MAP3K5: variants seen among roughly 807,000 people sequenced by gnomAD.
MAP3K5 encodes the protein ASK-1.
In MAP3K5, 56 loss-of-function variants were observed where a neutral mutation model predicts 158.7. The ratio of observed to expected loss-of-function variants is 0.35; its 90% CI spans 0.28 to 0.44. MAP3K5 has a LOEUF of 0.44. MAP3K5 is among the 20% of genes least tolerant of loss of function. The probability of loss-of-function intolerance (pLI) is 1.00; values close to 1 mark genes in which losing one functional copy is unlikely to be tolerated. For missense variants in MAP3K5, 1,294 were observed against 1,674.8 expected (o/e 0.77, Z 3.97); for synonymous variants, 579 against 601.7 (o/e 0.96, Z 0.55).
At chr6:136,737,037 G>GTGTGTGTGTATATATATA (rs759947051) in intron 1 of MAP3K5, among the ~76,000 whole-genome samples, 1 of 127,002 alleles carries the variant, frequency 7.9e-6, no homozygotes, top group African/African-American at 3.8e-5. Flanking sequence ...ATATGTGTGT[G>GTGTGTGTGTATATATATA]TATATATATA....
chr6:136,757,588 T>TA lies in MAP3K5; in HGVS notation c.448+34121_448+34122insT, dbSNP rs1314746106. On this transcript the variant is annotated intron_variant, in intron 1 of 29. Coordinates refer to ENST00000359015, the MANE Select transcript of MAP3K5 (RefSeq NM_005923.4). ...ATAGATTTATTTATTTATTTTTTAT[T>TA]TTTTTTTTTTTTTTTTGAGACGGAG... 2.8e-4 allele frequency among the ~76,000 whole-genome samples: 39 copies of TA among 137,820 alleles called. No individual in the cohort carries two copies. The East Asian group carries it at 7.4e-3, about 26-fold the overall frequency. The allele number at this position is 137,820 out of a possible 152,430, so 90.4% of individuals were successfully genotyped here.
chr6:136,647,333 G>A (rs1778307719), intron 11 of MAP3K5, among the ~76,000 whole-genome samples: 1 of 152,098 alleles, frequency 6.6e-6, no homozygotes, highest in African/African-American at 2.4e-5. Flanking sequence ...ATTCTATGAG[G>A]TACTGTTATT....
At chr6:136,715,462 G>A (rs1228200522) in intron 2 of MAP3K5, among the ~76,000 whole-genome samples, 1 of 152,032 alleles carries the variant, frequency 6.6e-6, no homozygotes, top group East Asian at 1.9e-4. Context: ...AGATACAGTT[G>A]AAGACTCTCA....
intron 8 of MAP3K5, among the ~76,000 whole-genome samples, chr6:136,665,261 T>G (rs1779176853): frequency 6.6e-6 from 1 of 152,222 alleles, no homozygotes; most frequent in African/African-American, 2.4e-5. Context: ...TATCATTACT[T>G]TATTAACTAT....
intron 1 of MAP3K5, among the ~76,000 whole-genome samples, chr6:136,743,559 C>T (rs1562665567): frequency 6.6e-6 from 1 of 152,196 alleles, no homozygotes; most frequent in South Asian, 2.1e-4. Context: ...TGTGGAACCA[C>T]AGGAAGTCTC....
Position 136,637,501 on chromosome 6 carries a change from G to A in MAP3K5, c.1935-95C>T, listed in dbSNP as rs182031087. ...AGTGACTTCAGAACCAAAACTGAGA[G>A]CTAAGAGAGTCTCCAGAACCAGGCA... On this transcript the variant is annotated intron_variant, in intron 13 of 29. Coordinates refer to ENST00000359015, the MANE Select transcript of MAP3K5 (RefSeq NM_005923.4). 6,706 of 769,834 alleles carry A rather than the reference G, an allele frequency of 8.7e-3. 41 individuals are homozygous for A. The highest frequency in any genetic ancestry group is 0.013 in the Non-Finnish European group (5,498 of 425,336). 47.7% of individuals were successfully genotyped at this position (769,834 alleles called of 1,614,324 possible). A position where few individuals can be genotyped will look rare whatever the true frequency, so the allele number is the denominator to read the frequency against.
At chr6:136,740,792 T>C (rs1761957565) in intron 1 of MAP3K5, among the ~76,000 whole-genome samples, 5 of 152,222 alleles carry the variant, frequency 3.3e-5, no homozygotes, top group Admixed American at 2.6e-4. Flanking sequence ...AATCTTCCCT[T>C]TGTGCCTGTC....
Position 136,613,053 on chromosome 6 carries a change from C to A in MAP3K5, c.2415+67G>T. 2.1e-6 allele frequency: 3 copies of A among 1,451,092 alleles called. No individual in the cohort carries two copies. The highest frequency in any genetic ancestry group is 2.8e-6 in the Non-Finnish European group (3 of 1,075,676). The allele number at this position is 1,451,092 out of a possible 1,614,324, so 89.9% of individuals were successfully genotyped here. On this transcript the variant is annotated intron_variant, in intron 17 of 29. Transcript: ENST00000359015. The surrounding 1 kb of genome is among the most constrained non-coding windows in gnomAD (Gnocchi z 4.0). The stretch of plus-strand genomic sequence containing the variant: ...AATTAATACTCATAACACAATATGA[C>A]TTTTGCAAGTAAAATAATAACCCAG...
chr6:136,758,756 G>T (rs1418950234), intron 1 of MAP3K5, among the ~76,000 whole-genome samples: 1 of 152,222 alleles, frequency 6.6e-6, no homozygotes, highest in Non-Finnish European at 1.5e-5. Context: ...AGTGTATTCT[G>T]CCTTGATTAA....
intron 11 of MAP3K5, among the ~76,000 whole-genome samples, chr6:136,648,760 G>A (rs982612183): frequency 6.6e-6 from 1 of 152,142 alleles, no homozygotes; most frequent in South Asian, 2.1e-4. Context: ...CACAGGGCCT[G>A]GCCATGATTG....
intron 7 of MAP3K5, among the ~76,000 whole-genome samples, chr6:136,678,897 T>A (rs969362962): frequency 2.6e-5 from 4 of 152,118 alleles, no homozygotes; most frequent in African/African-American, 9.7e-5. Flanking sequence ...AGGTAATTTT[T>A]GTATTTTTAG....
chr6:136,790,235 G>A (rs78910109), intron 1 of MAP3K5, among the ~76,000 whole-genome samples: 5,329 of 152,206 alleles, frequency 0.035, 93 homozygotes, highest in African/African-American at 0.049. Context: ...GCCTTGTTAG[G>A]AAAGTTTCTT....
rs909774821 is a variant in MAP3K5 at position 136,760,768 on chromosome 6, C to T, written c.448+30942G>A. Among the ~76,000 whole-genome samples the T allele has an allele frequency of 7.9e-5, 12 of 152,230 alleles. No individual in the cohort carries two copies. The South Asian group carries it at 2.5e-3, about 32-fold the overall frequency. Reference sequence around the variant, plus strand: ...GTGGACCATCTGAGGTCAGGAGTTCCAGACCAGGCTGGTCAATGTGTCGAA... The same window carrying T: ...GTGGACCATCTGAGGTCAGGAGTTCTAGACCAGGCTGGTCAATGTGTCGAA... On this transcript the variant is annotated intron_variant, in intron 1 of 29. Coordinates refer to ENST00000359015, the MANE Select transcript of MAP3K5 (RefSeq NM_005923.4).
Position 136,718,853 on chromosome 6 carries a change from C to A in MAP3K5, c.588+1597G>T, listed in dbSNP as rs191079465. Among the ~76,000 whole-genome samples the A allele has an allele frequency of 5.3e-5, 8 of 152,262 alleles. No individual in the cohort carries two copies. In the East Asian group the frequency reaches 9.6e-4, roughly 18 times the overall value. The stretch of plus-strand genomic sequence containing the variant: ...AATGTAGAAAGTAAAAAATCTCCAA[C>A]ATAATAGGGCCTGCTTAAATAAACT... On this transcript the variant is annotated intron_variant, in intron 2 of 29. Transcript: ENST00000359015.
At position 136,650,088 on chromosome 6, in the gene MAP3K5, C is replaced by T. The variant is rs6929292; in HGVS notation, c.1788+896G>A. Among the ~76,000 whole-genome samples the T allele has an allele frequency of 1.7e-3, 261 of 152,268 alleles. 1 individual carries two copies. The highest frequency in any genetic ancestry group is 6.0e-3 in the African/African-American group (250 of 41,552). On this transcript the variant is annotated intron_variant, in intron 11 of 29. Transcript: ENST00000359015. ...CCCTATCTGAGTGGAAAGCAAGCAC[C>T]ATGGAGGCAGGAACTTCACTCATTT...
intron 1 of MAP3K5, among the ~76,000 whole-genome samples, chr6:136,760,791 G>A (rs938207024): frequency 3.9e-5 from 6 of 152,098 alleles, no homozygotes; most frequent in Non-Finnish European, 7.4e-5. Flanking sequence ...TCAATGTGTC[G>A]AAACCCTGTC....
At chr6:136,658,729 G>A (rs1163726068) in intron 9 of MAP3K5, among the ~76,000 whole-genome samples, 2 of 152,136 alleles carry the variant, frequency 1.3e-5, no homozygotes, top group African/African-American at 4.8e-5. Context: ...TTTCAAATTA[G>A]AAAAACACAC....
chr6:136,682,909 C>T (rs1779995058), intron 7 of MAP3K5, among the ~76,000 whole-genome samples: 2 of 151,800 alleles, frequency 1.3e-5, no homozygotes, highest in Admixed American at 1.3e-4. Flanking sequence ...CCCTCATTAG[C>T]TAAAATGTTT....
intron 1 of MAP3K5, among the ~76,000 whole-genome samples, chr6:136,755,760 C>G (rs1053747770): frequency 2.6e-5 from 4 of 151,696 alleles, no homozygotes; most frequent in Non-Finnish European, 5.9e-5. Context: ...GACAAGTGCC[C>G]TCTGCTCCAG....
Sources: gnomAD v4.1 joint callset for allele counts (sites outside exome capture counted in the v4.1 genomes callset) on GRCh38, gnomAD v4.1.1 for gene constraint, Gnocchi (gnomAD v3.1) non-coding constraint, MANE v1.5 for transcripts, NCBI Gene and HGNC (gene_info 2026-07-23, HGNC 2026-07-21) for gene names.